Variants in RYR1 observed in about 807,000 individuals in gnomAD.
RYR1 encodes ryanodine receptor 1.
In RYR1, 342 loss-of-function variants were observed where a neutral mutation model predicts 583.5. That is an observed-to-expected ratio of 0.59 (90% CI 0.54 to 0.64). The LOEUF (loss-of-function observed/expected upper bound fraction) is 0.64, where lower values mean the gene tolerates loss of function less well. RYR1 is among the 30% of genes least tolerant of loss of function. The pLI, the probability that RYR1 is intolerant of heterozygous loss-of-function variation, is 0.00. For missense variants in RYR1, 6,032 were observed against 6,917.2 expected (o/e 0.87, Z 4.54); for synonymous variants, 2,791 against 2,822.5 (o/e 0.99, Z 0.35).
chr19:38,523,164 C>G, intron 68 of RYR1, 49 bp downstream of exon 68: 13 of 1,614,012 alleles, frequency 8.1e-6, no homozygotes, highest in Non-Finnish European at 1.1e-5. Context: ...GAGCCGCAGC[C>G]CACAGGCGCC....
intron 67 of RYR1, 37 bp downstream of exon 67, chr19:38,519,491 C>A: frequency 6.4e-7 from 1 of 1,565,152 alleles, no homozygotes; most frequent in Non-Finnish European, 8.6e-7. Context: ...CCCTCCGCCC[C>A]GACCTCCCAC....
intron 21 of RYR1, 92 bp downstream of exon 21, chr19:38,463,619 C>T (rs1241316430): frequency 2.1e-5 from 30 of 1,459,240 alleles, no homozygotes; most frequent in Non-Finnish European, 2.6e-5. Context: ...GGAGGGACCA[C>T]AGGGCACCAG....
Position 38,517,713 on chromosome 19 carries a change from C to T in RYR1, c.10018+22C>T, listed in dbSNP as rs1401025946. The T allele has an allele frequency of 1.9e-6, 3 of 1,608,804 alleles. No individual in the cohort carries two copies. The South Asian group carries it at 3.3e-5, about 18-fold the overall frequency. On this transcript the variant is annotated intron_variant, in intron 66 of 105. Coordinates refer to ENST00000359596, the MANE Select transcript of RYR1 (RefSeq NM_000540.3). ...GCTGGTGGGTCGGGGGGCACTGGGC[C>T]TCTGAGGGGTGGGTCAGCAGCCTGG... is the stretch of plus-strand genomic sequence containing the variant.
rs543762358 is a variant in RYR1 at position 38,474,423 on chromosome 19, C to T, written c.4160+652C>T. On this transcript the variant is annotated intron_variant, in intron 28 of 105. Coordinates refer to ENST00000359596, the MANE Select transcript of RYR1 (RefSeq NM_000540.3). ...GATTACAGGCACGCGCCACCATGCC[C>T]AGCTAATTTTTGTATTTTTAGTAGA... Among the ~76,000 whole-genome samples the T allele has an allele frequency of 4.9e-3, 740 of 151,950 alleles. 5 individuals carry two copies. The highest frequency in any genetic ancestry group is 0.016 in the African/African-American group (684 of 41,460).
At position 38,519,468 on chromosome 19, in the gene RYR1, C is replaced by G. The variant is rs758214097; in HGVS notation, c.10259+14C>G. The G allele has an allele frequency of 4.0e-5, 64 of 1,584,124 alleles. No individual in the cohort carries two copies. In the South Asian group the frequency reaches 6.9e-4, roughly 17 times the overall value. Reference sequence around the variant, plus strand: ...GGACAACAACAGGTCAGCGGGGCCCCGCTGTCCCCATGCCCTCCGCCCCGA... The same window carrying G: ...GGACAACAACAGGTCAGCGGGGCCCGGCTGTCCCCATGCCCTCCGCCCCGA... On this transcript the variant is annotated intron_variant, in intron 67 of 105. Coordinates refer to ENST00000359596, the MANE Select transcript of RYR1 (RefSeq NM_000540.3).
At chr19:38,556,834 C>T (rs1972898196) in intron 89 of RYR1, among the ~76,000 whole-genome samples, 2 of 152,000 alleles carry the variant, frequency 1.3e-5, no homozygotes, top group Admixed American at 1.3e-4. Flanking sequence ...TTCATGTGTT[C>T]CTGTGTCCCC....
At chr19:38,562,862 C>T (rs1211089659) in intron 90 of RYR1, among the ~76,000 whole-genome samples, 2 of 152,192 alleles carry the variant, frequency 1.3e-5, no homozygotes, top group East Asian at 1.9e-4. Context: ...CCCTCCCTGG[C>T]CCCCGGTGTC....
intron 11 of RYR1, among the ~76,000 whole-genome samples, chr19:38,450,380 G>A (rs1967012115): frequency 6.6e-6 from 1 of 152,176 alleles, no homozygotes; most frequent in South Asian, 2.1e-4. Flanking sequence ...CAACTGGAAG[G>A]ATGGAAGTGC....
At position 38,499,996 on chromosome 19, in the gene RYR1, C is replaced by T. The variant is rs1970033550; in HGVS notation, c.7303C>T (p.Arg2435Cys). 1.9e-6 allele frequency: 3 copies of T among 1,614,086 alleles called. No individual in the cohort carries two copies. The highest frequency in any genetic ancestry group is 1.7e-6 in the Non-Finnish European group (2 of 1,179,964). Residue 2435 changes from arginine to cysteine, a missense_variant, in exon 45 of 106, where the codon CGC becomes TGC. Transcript: ENST00000359596. The surrounding 1 kb of genome is among the most constrained non-coding windows in gnomAD (Gnocchi z 7.3). ...FYAALIDLLG[R>C]CAPEMHLIQA... ...TGCCGCCTTGATCGACCTGCTCGGA[C>T]GCTGTGCACCAGAGATGCATGTGAG...
rs59244176 is a variant in RYR1 at position 38,530,987 on chromosome 19, C to CTT, written c.11142-1486_11142-1485dup. Among the ~76,000 whole-genome samples the CTT allele has an allele frequency of 4.8e-4, 62 of 129,362 alleles. 1 individual carries two copies. Among genetic ancestry groups the CTT allele is most frequent in the Non-Finnish European group, 6.9e-4 (43 of 62,008 alleles). 84.9% of individuals were successfully genotyped at this position (129,362 alleles called of 152,430 possible). ...CCAGCTATTTTTCTTTTTTCTTTCT[C>CTT]TTTTTTTTTTTTTTTTTTGTATTTT... On this transcript the variant is annotated intron_variant, in intron 76 of 105. Transcript: ENST00000359596.
At position 38,444,530 on chromosome 19, in the gene RYR1, A is replaced by C. The variant is rs1011672911; in HGVS notation, c.538-54A>C. On this transcript the variant is annotated intron_variant, in intron 6 of 105. Transcript: ENST00000359596. This position sits in a 1 kb window ranked among gnomAD's most constrained non-coding sequence, Gnocchi z 5.1. Reference sequence around the variant, plus strand: ...TTGATTTCTGGCCTCTGACGCTGGGACTCTCGCCCACCCCTGCAATCGTCT... The same window carrying C: ...TTGATTTCTGGCCTCTGACGCTGGGCCTCTCGCCCACCCCTGCAATCGTCT... 9.4e-6 allele frequency: 14 copies of C among 1,492,726 alleles called. No individual in the cohort carries two copies. Among genetic ancestry groups the C allele is most frequent in the Non-Finnish European group, 1.3e-5 (14 of 1,080,078 alleles). 92.5% of individuals were successfully genotyped at this position (1,492,726 alleles called of 1,614,324 possible).
chr19:38,515,250 G>T (rs967432799), intron 64 of RYR1, 143 bp downstream of exon 64: 5 of 711,046 alleles, frequency 7.0e-6, no homozygotes, highest in African/African-American at 1.8e-5. Context: ...TCCCCACGGC[G>T]GCCGCGTGAG....
intron 3 of RYR1, 72 bp downstream of exon 3, chr19:38,442,525 G>T: frequency 8.9e-7 from 1 of 1,123,190 alleles, no homozygotes; most frequent in South Asian, 1.2e-5. Flanking sequence ...TTTAGGGCAC[G>T]GTGGCAAGGA....
intron 48 of RYR1, 48 bp downstream of exon 48, chr19:38,502,775 AGGGGCAGGGGCAGGG>A: frequency 1.8e-6 from 1 of 558,724 alleles, no homozygotes; most frequent in Non-Finnish European, 2.8e-6. Context: ...GGGCAGGGGC[AGGGGCAGGGGCAGGG>A]GCAGGGGCAG....
intron 47 of RYR1, among the ~76,000 whole-genome samples, chr19:38,502,245 A>G (rs148037821): frequency 4.6e-5 from 7 of 152,008 alleles, no homozygotes; most frequent in Non-Finnish European, 8.8e-5. Flanking sequence ...GAAGAGCCAA[A>G]TCTGTAATGG....
At chr19:38,579,904 T>A in intron 99 of RYR1, 78 bp from the exon 100 acceptor site, 2 of 1,599,156 alleles carry the variant, frequency 1.3e-6, no homozygotes, top group Non-Finnish European at 1.7e-6. Flanking sequence ...CAGCTGACTC[T>A]CGAGTGGCCC....
chr19:38,486,232 C>G, intron 34 of RYR1, 30 bp downstream of exon 34: 3 of 1,612,514 alleles, frequency 1.9e-6, no homozygotes, highest in Non-Finnish European at 2.5e-6. Flanking sequence ...TTCCTCTGTC[C>G]CATTCTTCTC....
chr19:38,516,252 C>T (rs745528805), intron 65 of RYR1, 35 bp downstream of exon 65: 1 of 1,571,096 alleles, frequency 6.4e-7, no homozygotes, highest in Non-Finnish European at 8.6e-7. Flanking sequence ...TGCTGGGAGT[C>T]CAAATCTCCC....
At chr19:38,534,667 A>G (rs1971885513) in intron 78 of RYR1, 53 bp from the exon 79 acceptor site, 1 of 1,500,184 alleles carries the variant, frequency 6.7e-7, no homozygotes, top group Non-Finnish European at 9.2e-7. Context: ...TGAGGGGGAA[A>G]GGCTGGGCTG....
Sources: gnomAD v4.1 joint callset for allele counts (sites outside exome capture counted in the v4.1 genomes callset) on GRCh38, gnomAD v4.1.1 for gene constraint, Gnocchi (gnomAD v3.1) non-coding constraint, MANE v1.5 for transcripts, NCBI Gene and HGNC (gene_info 2026-07-23, HGNC 2026-07-21) for gene names.